Variants in GALNT9 observed in about 807,000 individuals in gnomAD.
GALNT9 encodes polypeptide N-acetylgalactosaminyltransferase 9.
In GALNT9, 47 loss-of-function variants were observed where a neutral mutation model predicts 63.1. That is an observed-to-expected ratio of 0.75 (90% CI 0.59 to 0.95). The LOEUF is 0.95. Ranked by LOEUF, GALNT9 falls within the 40% of genes least tolerant of loss-of-function variation. The probability of loss-of-function intolerance (pLI) is 0.00; values close to 1 mark genes in which losing one functional copy is unlikely to be tolerated. For missense variants in GALNT9, 829 were observed against 874.8 expected (o/e 0.95, Z 0.66); for synonymous variants, 396 against 365.7 (o/e 1.08, Z -0.94).
chr12:132,306,533 C>A (rs945617948), intron 1 of GALNT9, among the ~76,000 whole-genome samples: 1 of 152,200 alleles, frequency 6.6e-6, no homozygotes, highest in African/African-American at 2.4e-5. Flanking sequence ...GAAGTCAGTT[C>A]GGACATAGTG....
rs896969052 is a variant in GALNT9, at chr12:132,316,033, G to A, written c.238+12933C>T. Among the ~76,000 whole-genome samples the A allele has an allele frequency of 1.3e-5, 2 of 152,140 alleles. No homozygotes were observed. The highest frequency in any genetic ancestry group is 6.5e-5 in the Admixed American group (1 of 15,284). On this transcript the variant is annotated intron_variant, in intron 1 of 10. Transcript: ENST00000328957. This position sits in a 1 kb window ranked among gnomAD's most constrained non-coding sequence, Gnocchi z 4.3. ...ACGGCAGGCAGGCAGCCCCCGAAAC[G>A]GCCGCCCACCCCCTCACGCCTGCAG...
At position 132,286,411 on chromosome 12, in the gene GALNT9, G is replaced by A; in HGVS notation, c.258C>T (p.Gly86=). The A allele has an allele frequency of 6.5e-7, 1 of 1,550,334 alleles. No individual in the cohort carries two copies. The highest frequency in any genetic ancestry group is 2.0e-5 in the Admixed American group (1 of 50,942). Reference sequence around the variant, plus strand: ...CCAGGCCTCCTGGCCCCTCCACCAGGCCGATGGGCTTGGCAAGGCCTGGGG... The same window carrying A: ...CCAGGCCTCCTGGCCCCTCCACCAGACCGATGGGCTTGGCAAGGCCTGGGG... ...NQLNGLAKPI[G]LVEGPGGLGQ... The change falls in exon 2 of 11, where the codon GGC becomes GGT. Residue 86 remains glycine, a synonymous_variant. Transcript: ENST00000328957. The surrounding 1 kb of genome is among the most constrained non-coding windows in gnomAD (Gnocchi z 7.4).
rs1021879476 is a variant in GALNT9 at position 132,315,372 on chromosome 12, G to A, written c.238+13594C>T. ...GAATATAATCAGGGCGGCCTCCCCC[G>A]TGTCCACTGCAAAGTGCTCGAGCCT... On this transcript the variant is annotated intron_variant, in intron 1 of 10. Transcript: ENST00000328957. The surrounding 1 kb of genome is among the most constrained non-coding windows in gnomAD (Gnocchi z 6.1). Among the ~76,000 whole-genome samples the A allele has an allele frequency of 5.3e-5, 8 of 151,566 alleles. No homozygotes were observed. The South Asian group carries it at 6.2e-4, about 12-fold the overall frequency.
At chr12:132,328,359 C>T (rs1555246669) in intron 1 of GALNT9, among the ~76,000 whole-genome samples, 1 of 152,196 alleles carries the variant, frequency 6.6e-6, no homozygotes, top group East Asian at 1.9e-4. Context: ...TGATCCTCAA[C>T]TCCATCCTCC....
At chr12:132,307,702 C>T (rs1336920230) in intron 1 of GALNT9, among the ~76,000 whole-genome samples, 1 of 148,328 alleles carries the variant, frequency 6.7e-6, no homozygotes, top group Non-Finnish European at 1.5e-5. Context: ...GGTGTGGTGG[C>T]GGGCGCCTGT....
At chr12:132,247,231 C>T (rs1202997927) in intron 6 of GALNT9, among the ~76,000 whole-genome samples, 3 of 152,202 alleles carry the variant, frequency 2.0e-5, no homozygotes, top group Non-Finnish European at 4.4e-5. Context: ...CCCGGCCGAG[C>T]TCAGAGCCTC....
At chr12:132,216,940 G>C (rs1296740086) in intron 6 of GALNT9, among the ~76,000 whole-genome samples, 2 of 152,206 alleles carry the variant, frequency 1.3e-5, no homozygotes, top group Non-Finnish European at 2.9e-5. Context: ...GTGACGAACT[G>C]TGTGTTTCCT....
chr12:132,276,393 C>T (rs1368700746), intron 2 of GALNT9: 1 of 155,158 alleles, frequency 6.4e-6, no homozygotes, highest in African/African-American at 2.4e-5. Context: ...TGGTACCTGG[C>T]TTCTCCCATC....
intron 1 of GALNT9, among the ~76,000 whole-genome samples, chr12:132,291,692 C>T (rs144673001): frequency 2.4e-3 from 247 of 102,920 alleles, no homozygotes; most frequent in African/African-American, 9.9e-3. Context: ...ACATCCACAG[C>T]GCCCACATCC....
chr12:132,269,382 G>A (rs1010275421), intron 2 of GALNT9, among the ~76,000 whole-genome samples: 3 of 152,342 alleles, frequency 2.0e-5, no homozygotes, highest in East Asian at 3.9e-4. Context: ...GAGCGGGACC[G>A]CCAGGCGGAG....
At chr12:132,259,034 G>A (rs1486552045) in intron 4 of GALNT9, among the ~76,000 whole-genome samples, 6 of 152,206 alleles carry the variant, frequency 3.9e-5, no homozygotes, top group African/African-American at 7.2e-5. Context: ...CCTTCTTCCC[G>A]TCCTTCTGAG....
At chr12:132,308,374 G>C in intron 1 of GALNT9, among the ~76,000 whole-genome samples, 1 of 152,248 alleles carries the variant, frequency 6.6e-6, no homozygotes, top group African/African-American at 2.4e-5. Context: ...AGGAGGCTAA[G>C]CTGGTGCAGC....
rs1216920330 is a variant in GALNT9 at position 132,315,919 on chromosome 12, T to C, written c.238+13047A>G. Among the ~76,000 whole-genome samples the C allele has an allele frequency of 6.6e-6, 1 of 152,086 alleles. No homozygotes were observed. The highest frequency in any genetic ancestry group is 1.9e-4 in the East Asian group (1 of 5,186). On this transcript the variant is annotated intron_variant, in intron 1 of 10. Coordinates refer to ENST00000328957, the MANE Select transcript of GALNT9 (RefSeq NM_001122636.2). The surrounding 1 kb of genome is among the most constrained non-coding windows in gnomAD (Gnocchi z 6.1). Reference sequence around the variant, plus strand: ...GAGATGCCAATGGGGACTTGGAGCATGAGAAAGCGGACAGCCTCTGGCCCT... The same window carrying C: ...GAGATGCCAATGGGGACTTGGAGCACGAGAAAGCGGACAGCCTCTGGCCCT...
intron 2 of GALNT9, among the ~76,000 whole-genome samples, chr12:132,268,018 CGAACACACAT>C (rs747585686): frequency 1.2e-3 from 178 of 151,412 alleles, no homozygotes; most frequent in Non-Finnish European, 2.0e-3. Flanking sequence ...CAGATACACA[CGAACACACAT>C]GAACACACAT....
intron 6 of GALNT9, among the ~76,000 whole-genome samples, chr12:132,241,687 A>C (rs1406104507): frequency 3.8e-5 from 3 of 78,496 alleles, no homozygotes; most frequent in Non-Finnish European, 5.4e-5. Flanking sequence ...CCCTCCCTAT[A>C]CCCATTACAC....
chr12:132,296,084 C>G lies in GALNT9; in HGVS notation c.239-9654G>C, dbSNP rs1467629021. On this transcript the variant is annotated intron_variant, in intron 1 of 10. Coordinates refer to ENST00000328957, the MANE Select transcript of GALNT9 (RefSeq NM_001122636.2). This position sits in a 1 kb window ranked among gnomAD's most constrained non-coding sequence, Gnocchi z 4.2. Reference sequence around the variant, plus strand: ...GGGAGAGGCTCCGGAACAGGGAGAGCCTCCGAACAGGGAGAGCCTCCGAAC... The same window carrying G: ...GGGAGAGGCTCCGGAACAGGGAGAGGCTCCGAACAGGGAGAGCCTCCGAAC... 2.6e-5 allele frequency among the ~76,000 whole-genome samples: 4 copies of G among 151,082 alleles called. No homozygotes were observed. Among genetic ancestry groups the G allele is most frequent in the African/African-American group, 4.9e-5 (2 of 40,964 alleles).
intron 6 of GALNT9, among the ~76,000 whole-genome samples, chr12:132,243,953 A>G (rs1421141954): frequency 6.6e-6 from 1 of 151,994 alleles, no homozygotes; most frequent in African/African-American, 2.4e-5. Context: ...AGTTCACCCT[A>G]CTGGGCTCAA....
chr12:132,240,214 G>C (rs1878192202), intron 6 of GALNT9, among the ~76,000 whole-genome samples: 1 of 152,116 alleles, frequency 6.6e-6, no homozygotes, highest in African/African-American at 2.4e-5. Context: ...GGGGTTGAGT[G>C]GGGTGGTCGC....
chr12:132,241,172 C>A (rs1878315858), intron 6 of GALNT9, among the ~76,000 whole-genome samples: 1 of 132,994 alleles, frequency 7.5e-6, no homozygotes, highest in Non-Finnish European at 1.6e-5. Context: ...GCCACACCCC[C>A]TTCCCAGGGC....
Sources: allele counts gnomAD v4.1 joint callset (sites outside exome capture counted in the v4.1 genomes callset), GRCh38; gene constraint gnomAD v4.1.1; non-coding constraint Gnocchi (gnomAD v3.1); transcripts MANE v1.5; gene names NCBI Gene and HGNC (gene_info 2026-07-23, HGNC 2026-07-21).